Variants in NDST3 observed in about 807,000 individuals in gnomAD.
The protein encoded by NDST3 is N-deacetylase and N-sulfotransferase 3, also known as bifunctional heparan sulfate N-deacetylase/N-sulfotransferase 3.
NDST3 carries 58 observed loss-of-function variants against 96.1 expected under a neutral mutation model. The ratio of observed to expected loss-of-function variants is 0.60; its 90% CI spans 0.49 to 0.75. NDST3 has a LOEUF of 0.75. Among genes scored for constraint, NDST3 ranks in the 30% least tolerant of loss-of-function variants. The pLI, the probability that NDST3 is intolerant of heterozygous loss-of-function variation, is 0.00. For synonymous variants in NDST3, 333 were observed against 359.7 expected (o/e 0.93, Z 0.84); for missense variants, 788 against 1,034.2 (o/e 0.76, Z 3.27).
At chr4:118,213,441 A>G (rs894462645) in intron 6 of NDST3, among the ~76,000 whole-genome samples, 3 of 152,174 alleles carry the variant, frequency 2.0e-5, no homozygotes, top group Non-Finnish European at 4.4e-5. Context: ...ACCAACTAAG[A>G]TGTATCAATG....
intron 6 of NDST3, among the ~76,000 whole-genome samples, chr4:118,152,769 GTAGT>G (rs1472596546): frequency 2.0e-5 from 3 of 152,164 alleles, no homozygotes; most frequent in Non-Finnish European, 4.4e-5. Context: ...GGTTTCTGCA[GTAGT>G]TAATTAATCT....
At chr4:118,086,875 T>A (rs995946236) in intron 2 of NDST3, among the ~76,000 whole-genome samples, 1 of 152,122 alleles carries the variant, frequency 6.6e-6, no homozygotes, top group Non-Finnish European at 1.5e-5. Context: ...ATAAACATAA[T>A]ATTAGCAAAA....
intron 6 of NDST3, among the ~76,000 whole-genome samples, chr4:118,160,737 T>C (rs993609554): frequency 2.0e-5 from 3 of 152,250 alleles, no homozygotes; most frequent in Admixed American, 6.5e-5. Context: ...CTTTAAGCAC[T>C]TCTCTGTATT....
chr4:118,043,498 T>C (rs909722786), intron 1 of NDST3, among the ~76,000 whole-genome samples: 1 of 152,240 alleles, frequency 6.6e-6, no homozygotes. Flanking sequence ...AGACCATGTA[T>C]ACCCACTGGT....
chr4:118,191,024 T>C (rs555661466), intron 6 of NDST3, among the ~76,000 whole-genome samples: 19 of 152,338 alleles, frequency 1.2e-4, no homozygotes, highest in African/African-American at 4.6e-4. Flanking sequence ...AAAGAGTTTT[T>C]CTTTTCCCCA....
intron 4 of NDST3, among the ~76,000 whole-genome samples, chr4:118,128,068 T>C (rs1314389258): frequency 1.3e-5 from 2 of 152,094 alleles, no homozygotes; most frequent in African/African-American, 4.8e-5. Flanking sequence ...TGTTTATCAG[T>C]TCTAATAGTT....
At chr4:118,092,231 T>TC (rs1404236446) in intron 2 of NDST3, among the ~76,000 whole-genome samples, 1 of 150,942 alleles carries the variant, frequency 6.6e-6, no homozygotes, top group Non-Finnish European at 1.5e-5. Flanking sequence ...CATTGTTTTT[T>TC]TTTTTAGAAC....
chr4:118,115,002 T>C (rs756667253), intron 4 of NDST3, 42 bp downstream of exon 4: 9 of 1,578,168 alleles, frequency 5.7e-6, no homozygotes, highest in Admixed American at 5.2e-5. Flanking sequence ...TGTACACTGA[T>C]TGGAGAAATG....
intron 10 of NDST3, among the ~76,000 whole-genome samples, chr4:118,240,013 G>T (rs765941716): frequency 6.6e-6 from 1 of 151,964 alleles, no homozygotes; most frequent in Non-Finnish European, 1.5e-5. Flanking sequence ...AAAAGCTGTG[G>T]ATTTCAGATA....
chr4:118,193,340 A>C, intron 6 of NDST3: 1 of 429,576 alleles, frequency 2.3e-6, no homozygotes, highest in Non-Finnish European at 4.2e-6. Context: ...TTTTTACAAA[A>C]CTAACAGGGC....
Position 118,054,204 on chromosome 4 carries a change from T to G in NDST3, c.294T>G (p.Ile98Met). The change falls in exon 2 of 14, where the codon ATT becomes ATG. Residue 98 changes from isoleucine to methionine, a missense_variant. Transcript: ENST00000296499. ...YSSLGQDIIMILESSRFQYHI... is the reference protein window; with the variant it reads ...YSSLGQDIIMMLESSRFQYHI... The stretch of plus-strand genomic sequence containing the variant: ...CTCTTGGTCAAGACATCATTATGAT[T>G]CTAGAATCAAGTAGATTCCAGTATC... 6.2e-7 allele frequency: 1 copy of G among 1,613,054 alleles called. No homozygotes were observed. Among genetic ancestry groups the G allele is most frequent in the Non-Finnish European group, 8.5e-7 (1 of 1,179,402 alleles).
At chr4:118,230,804 T>C (rs1053436897) in intron 8 of NDST3, among the ~76,000 whole-genome samples, 2 of 152,212 alleles carry the variant, frequency 1.3e-5, no homozygotes, top group African/African-American at 2.4e-5. Context: ...AAACTGTTCA[T>C]TGTTTGGCTC....
At chr4:118,078,348 C>T (rs547449259) in intron 2 of NDST3, among the ~76,000 whole-genome samples, 1 of 152,294 alleles carries the variant, frequency 6.6e-6, no homozygotes, top group Admixed American at 6.5e-5. Flanking sequence ...CCCCAACTTC[C>T]ACATTTTTAT....
chr4:118,138,138 G>T lies in NDST3; in HGVS notation c.1309G>T (p.Ala437Ser). The T allele has an allele frequency of 6.2e-7, 1 of 1,613,990 alleles. No homozygotes were observed. The highest frequency in any genetic ancestry group is 8.5e-7 in the Non-Finnish European group (1 of 1,179,952). ...CCCTGTACATGTTCAGCTTTATGAGGCCTGGAAGAAGGTCTGGAATATTAA... is the reference window on the plus strand; with the variant it reads ...CCCTGTACATGTTCAGCTTTATGAGTCCTGGAAGAAGGTCTGGAATATTAA... ...VYPVHVQLYE[A>S]WKKVWNIKIT... Residue 437 changes from alanine to serine, a missense_variant, in exon 5 of 14, where the codon GCC (alanine) becomes TCC (serine). Around this residue, in one of 3 missense-constraint regions of NDST3, gnomAD observed 490 missense variants for 708.8 expected, o/e 0.69. Coordinates refer to ENST00000296499, the MANE Select transcript of NDST3 (RefSeq NM_004784.3).
intron 6 of NDST3, among the ~76,000 whole-genome samples, chr4:118,162,771 G>A (rs996998148): frequency 6.8e-6 from 1 of 148,116 alleles, no homozygotes; most frequent in African/African-American, 2.5e-5. Flanking sequence ...AAACTAAAGA[G>A]CTTCTGCACA....
intron 6 of NDST3, among the ~76,000 whole-genome samples, chr4:118,216,710 A>G (rs1365482502): frequency 6.6e-6 from 1 of 152,104 alleles, no homozygotes; most frequent in African/African-American, 2.4e-5. Flanking sequence ...TGGAGACTAG[A>G]GAAGCAGAGT....
intron 12 of NDST3, among the ~76,000 whole-genome samples, chr4:118,244,911 C>T (rs1287683150): frequency 2.0e-5 from 3 of 152,060 alleles, no homozygotes; most frequent in Non-Finnish European, 4.4e-5. Flanking sequence ...CTGATTTTCT[C>T]AGTGATTGTG....
At chr4:118,226,485 CTTAGA>C (rs1739888988) in intron 7 of NDST3, among the ~76,000 whole-genome samples, 1 of 152,124 alleles carries the variant, frequency 6.6e-6, no homozygotes, top group South Asian at 2.1e-4. Context: ...CTCAAAGTTA[CTTAGA>C]ATAAAGATCT....
In NDST3 at chr4:118,256,067, T is replaced by C. The variant is rs1742102498; in HGVS notation, c.*355T>C. 6.4e-6 allele frequency: 1 copy of C among 155,396 alleles called. No individual in the cohort carries two copies. Among genetic ancestry groups the C allele is most frequent in the African/African-American group, 2.4e-5 (1 of 41,606 alleles). The allele number at this position is 155,396 out of a possible 1,614,324, so 9.6% of individuals were successfully genotyped here. ...TATATCAACTAAGATTGTGTCTCTGTAGGTTTTTAGACCACTGTTTGCCTG... is the reference window on the plus strand; with the variant it reads ...TATATCAACTAAGATTGTGTCTCTGCAGGTTTTTAGACCACTGTTTGCCTG... On this transcript the variant is annotated 3_prime_UTR_variant, in exon 14 of 14. Transcript: ENST00000296499.
Sources: allele counts gnomAD v4.1 joint callset (sites outside exome capture counted in the v4.1 genomes callset), GRCh38; gene constraint gnomAD v4.1.1; regional missense constraint gnomAD v4.1.1; transcripts MANE v1.5; gene names NCBI Gene and HGNC (gene_info 2026-07-23, HGNC 2026-07-21).